CCDC85A: variants seen among roughly 807,000 people sequenced by gnomAD.
CCDC85A encodes coiled-coil domain-containing protein 85A.
CCDC85A carries 38 observed loss-of-function variants against 50.2 expected under a neutral mutation model. The ratio of observed to expected loss-of-function variants is 0.76; its 90% CI spans 0.58 to 0.99. The LOEUF (loss-of-function observed/expected upper bound fraction) is 0.99, where lower values mean the gene tolerates loss of function less well. Among genes scored for constraint, CCDC85A ranks in the 50% least tolerant of loss-of-function variants. The probability of loss-of-function intolerance (pLI) is 0.00; values close to 1 mark genes in which losing one functional copy is unlikely to be tolerated. For missense variants in CCDC85A, 820 were observed against 742.0 expected, an observed-to-expected ratio of 1.11 and a Z score of -1.22; for synonymous variants, 366 against 301.4, an observed-to-expected ratio of 1.21 and a Z score of -2.22.
intron 2 of CCDC85A, among the ~76,000 whole-genome samples, chr2:56,225,340 C>T (rs565577834): frequency 6.6e-5 from 10 of 152,166 alleles, no homozygotes; most frequent in Non-Finnish European, 1.3e-4. Flanking sequence ...GCAGGAGAAT[C>T]ACTTGAACAC....
chr2:56,261,082 T>G (rs191975733), intron 2 of CCDC85A, among the ~76,000 whole-genome samples: 18 of 152,346 alleles, frequency 1.2e-4, no homozygotes, highest in African/African-American at 4.3e-4. Flanking sequence ...GTTTGCATCC[T>G]AGGTCACTTT....
chr2:56,205,085 C>T (rs7581086), intron 2 of CCDC85A, among the ~76,000 whole-genome samples: 5,622 of 152,136 alleles, frequency 0.037, 335 homozygotes, highest in African/African-American at 0.13. Context: ...TAGTTCTCCA[C>T]GTTGCTTAGT....
At chr2:56,352,258 A>G (rs528986973) in intron 3 of CCDC85A, among the ~76,000 whole-genome samples, 16 of 152,258 alleles carry the variant, frequency 1.1e-4, no homozygotes, top group Non-Finnish European at 2.1e-4. Flanking sequence ...AAATATAAAC[A>G]TAATATAGAT....
rs545266033 is a variant in CCDC85A, at chr2:56,254,095, CAT to C, written c.1240+60662_1240+60663del. 3.2e-3 allele frequency among the ~76,000 whole-genome samples: 482 copies of C among 152,250 alleles called. 9 individuals are homozygous for C. The highest frequency in any genetic ancestry group is 0.011 in the African/African-American group (467 of 41,536). On this transcript the variant is annotated intron_variant, in intron 2 of 5. Coordinates refer to ENST00000407595, the MANE Select transcript of CCDC85A (RefSeq NM_001080433.2). ...ACATATACATATATGTGCACATACACATATATATGTGTTTCAATGCATGGTTT... is the reference window on the plus strand; with the variant it reads ...ACATATACATATATGTGCACATACACATATATGTGTTTCAATGCATGGTTT...
At chr2:56,286,272 G>C (rs1410383466) in intron 2 of CCDC85A, among the ~76,000 whole-genome samples, 1 of 151,920 alleles carries the variant, frequency 6.6e-6, no homozygotes, top group African/African-American at 2.4e-5. Context: ...TCATCATATT[G>C]GAAAATATTC....
chr2:56,212,050 C>A (rs960321418), intron 2 of CCDC85A, among the ~76,000 whole-genome samples: 1 of 151,966 alleles, frequency 6.6e-6, no homozygotes, highest in African/African-American at 2.4e-5. Context: ...GACCTTATAT[C>A]CAAATTACTC....
chr2:56,361,123 G>A (rs781268140), intron 3 of CCDC85A, among the ~76,000 whole-genome samples: 7 of 152,196 alleles, frequency 4.6e-5, no homozygotes, highest in Admixed American at 6.5e-5. Flanking sequence ...GCGTGGTGGC[G>A]GGTGCCTGTA....
At chr2:56,223,639 C>A (rs572518885) in intron 2 of CCDC85A, among the ~76,000 whole-genome samples, 11 of 152,254 alleles carry the variant, frequency 7.2e-5, no homozygotes, top group Admixed American at 7.2e-4. Context: ...TAACATATAA[C>A]TGCAACCTGA....
chr2:56,251,355 G>A (rs2103993210), intron 2 of CCDC85A, among the ~76,000 whole-genome samples: 1 of 152,252 alleles, frequency 6.6e-6, no homozygotes, highest in South Asian at 2.1e-4. Context: ...CATATGAGTG[G>A]AAAATAAGGG....
At chr2:56,330,168 A>G (rs1004382360) in intron 2 of CCDC85A, among the ~76,000 whole-genome samples, 4 of 152,014 alleles carry the variant, frequency 2.6e-5, no homozygotes, top group Non-Finnish European at 5.9e-5. Context: ...GTGGAAAGTA[A>G]GACACATTTT....
At chr2:56,366,456 A>C (rs1388293601) in intron 3 of CCDC85A, among the ~76,000 whole-genome samples, 1 of 152,172 alleles carries the variant, frequency 6.6e-6, no homozygotes. Flanking sequence ...AAAAGGCATG[A>C]GGTGATCTCA....
intron 3 of CCDC85A, among the ~76,000 whole-genome samples, chr2:56,347,591 A>G (rs534841037): frequency 3.9e-5 from 6 of 152,332 alleles, no homozygotes; most frequent in Non-Finnish European, 5.9e-5. Flanking sequence ...TCTCCCTGAC[A>G]CATTTCCATA....
chr2:56,267,991 T>C (rs1284691187), intron 2 of CCDC85A, among the ~76,000 whole-genome samples: 3 of 152,222 alleles, frequency 2.0e-5, no homozygotes, highest in African/African-American at 7.2e-5. Flanking sequence ...CTTTCTATGT[T>C]CATATTCTTT....
At chr2:56,280,630 G>A (rs551124910) in intron 2 of CCDC85A, among the ~76,000 whole-genome samples, 2 of 152,062 alleles carry the variant, frequency 1.3e-5, no homozygotes, top group African/African-American at 2.4e-5. Context: ...CAACTAATAC[G>A]ACAAATCCTT....
At chr2:56,352,036 G>C (rs907606189) in intron 3 of CCDC85A, among the ~76,000 whole-genome samples, 3 of 152,146 alleles carry the variant, frequency 2.0e-5, no homozygotes, top group African/African-American at 7.2e-5. Flanking sequence ...TGTATAAGGT[G>C]TAAGGAAGGG....
At chr2:56,202,737 G>C (rs1356133723) in intron 2 of CCDC85A, among the ~76,000 whole-genome samples, 1 of 152,244 alleles carries the variant, frequency 6.6e-6, no homozygotes, top group Non-Finnish European at 1.5e-5. Flanking sequence ...GAATACCTGA[G>C]TTGCAGATTT....
At chr2:56,250,297 G>C (rs1302534807) in intron 2 of CCDC85A, among the ~76,000 whole-genome samples, 1 of 152,210 alleles carries the variant, frequency 6.6e-6, no homozygotes, top group Non-Finnish European at 1.5e-5. Context: ...TGGACCCTAT[G>C]CTGTAATTGG....
intron 2 of CCDC85A, among the ~76,000 whole-genome samples, chr2:56,230,089 A>G (rs57303674): frequency 0.033 from 4,958 of 152,300 alleles, 94 homozygotes; most frequent in South Asian, 0.1. Context: ...TGTCAGATTC[A>G]GCAGTGAAAG....
intron 3 of CCDC85A, among the ~76,000 whole-genome samples, chr2:56,353,727 C>G (rs1475697395): frequency 6.6e-6 from 1 of 152,164 alleles, no homozygotes; most frequent in Non-Finnish European, 1.5e-5. Flanking sequence ...CTCTATGATA[C>G]CCGATGAAGA....
Sources: gnomAD v4.1 joint callset for allele counts (sites outside exome capture counted in the v4.1 genomes callset) on GRCh38, gnomAD v4.1.1 for gene constraint, MANE v1.5 for transcripts, NCBI Gene and HGNC (gene_info 2026-07-23, HGNC 2026-07-21) for gene names.